The following BCKDHB variants were observed in gnomAD, a reference collection of about 807,000 sequenced individuals.
BCKDHB encodes the protein branched chain keto acid dehydrogenase E1 subunit beta, also known as 2-oxoisovalerate dehydrogenase subunit beta, mitochondrial.
Under a neutral mutation model 48.5 loss-of-function variants are expected in BCKDHB, and 41 were observed. The ratio of observed to expected loss-of-function variants is 0.85; its 90% confidence interval spans 0.66 to 1.10. BCKDHB has a LOEUF of 1.10. BCKDHB is among the 50% of genes least tolerant of loss of function. The pLI is 0.00. For synonymous variants in BCKDHB, 201 were observed against 174.8 expected, an observed-to-expected ratio of 1.15 and a Z score of -1.18; for missense variants, 496 against 494.2, an observed-to-expected ratio of 1.00 and a Z score of -0.03.
intron 6 of BCKDHB, among the ~76,000 whole-genome samples, chr6:80,183,113 T>C (rs1328759902): frequency 6.6e-6 from 1 of 152,156 alleles, no homozygotes; most frequent in Non-Finnish European, 1.5e-5. Flanking sequence ...TTGTGTTCTT[T>C]ATTGTAAATA....
the BCKDHB span, among the ~76,000 whole-genome samples, chr6:80,445,352 C>T: frequency 1.3e-5 from 2 of 152,234 alleles, no homozygotes; most frequent in East Asian, 3.9e-4. Context: ...ACCATTGCTT[C>T]AGATAGATCT....
At chr6:80,434,733 G>A in the BCKDHB span, among the ~76,000 whole-genome samples, 18 of 152,112 alleles carry the variant, frequency 1.2e-4, no homozygotes, top group South Asian at 2.1e-3. Context: ...CAGTACCTTC[G>A]GGAACTCTAC....
chr6:80,155,061 T>C (rs1004821771), intron 3 of BCKDHB, among the ~76,000 whole-genome samples: 2 of 152,184 alleles, frequency 1.3e-5, no homozygotes, highest in Non-Finnish European at 1.5e-5. Flanking sequence ...AATCAAAGTT[T>C]GAAGTAGCCC....
At chr6:80,376,181 C>T in the BCKDHB span, among the ~76,000 whole-genome samples, 5 of 151,934 alleles carry the variant, frequency 3.3e-5, no homozygotes, top group Non-Finnish European at 4.4e-5. Context: ...GGGCTTGCTG[C>T]GGCTGTTATG....
intron 3 of BCKDHB, among the ~76,000 whole-genome samples, chr6:80,132,557 T>C (rs1018491997): frequency 6.6e-6 from 1 of 152,220 alleles, no homozygotes; most frequent in African/African-American, 2.4e-5. Context: ...AGAAACTAAC[T>C]CTTAACTTGA....
At chr6:80,440,526 C>G in the BCKDHB span, among the ~76,000 whole-genome samples, 1 of 152,058 alleles carries the variant, frequency 6.6e-6, no homozygotes, top group Non-Finnish European at 1.5e-5. Context: ...TCTTAGATTA[C>G]ACTGATCAGT....
At chr6:80,110,155 T>C (rs1209664068) in intron 1 of BCKDHB, among the ~76,000 whole-genome samples, 1 of 152,226 alleles carries the variant, frequency 6.6e-6, no homozygotes, top group Non-Finnish European at 1.5e-5. Context: ...TTTGCTCCCT[T>C]TATTACACTG....
intron 9 of BCKDHB, among the ~76,000 whole-genome samples, chr6:80,328,672 T>C (rs950221198): frequency 6.6e-6 from 1 of 152,212 alleles, no homozygotes; most frequent in Middle Eastern, 3.2e-3. Context: ...CAGAAAACTT[T>C]CTAATTTTAT....
the BCKDHB span, chr6:80,356,682 A>G: frequency 3.3e-5 from 5 of 152,324 alleles, no homozygotes; most frequent in South Asian, 1.0e-3. Flanking sequence ...AATGTTTATT[A>G]CACAAAGTAA....
chr6:80,245,567 AG>A (rs1430417866), intron 8 of BCKDHB, among the ~76,000 whole-genome samples: 2 of 152,208 alleles, frequency 1.3e-5, no homozygotes, highest in Non-Finnish European at 2.9e-5. Flanking sequence ...GTGTACTCTC[AG>A]TCACAGCATC....
chr6:80,116,227 C>T (rs1196333726), intron 1 of BCKDHB, among the ~76,000 whole-genome samples: 1 of 152,160 alleles, frequency 6.6e-6, no homozygotes. Context: ...AAAGACCTAC[C>T]CCATCAGACT....
At chr6:80,279,971 TA>T (rs1167240910) in intron 9 of BCKDHB, among the ~76,000 whole-genome samples, 3 of 152,104 alleles carry the variant, frequency 2.0e-5, no homozygotes, top group African/African-American at 7.2e-5. Flanking sequence ...GTAGTGAAGG[TA>T]GGTGGGTATT....
At chr6:80,288,925 A>G (rs1582510143) in intron 9 of BCKDHB, among the ~76,000 whole-genome samples, 2 of 152,058 alleles carry the variant, frequency 1.3e-5, no homozygotes, top group Non-Finnish European at 2.9e-5. Flanking sequence ...AGGGGCAGGG[A>G]TGGAGGGGTA....
chr6:80,167,621 T>G, intron 3 of BCKDHB, 57 bp from the exon 4 acceptor site: 1 of 1,491,462 alleles, frequency 6.7e-7, no homozygotes, highest in Non-Finnish European at 9.3e-7. Flanking sequence ...TTAAATGTAT[T>G]ATGCATGACA....
intron 3 of BCKDHB, among the ~76,000 whole-genome samples, chr6:80,162,351 C>T (rs565971412): frequency 6.6e-6 from 1 of 152,340 alleles, no homozygotes; most frequent in African/African-American, 2.4e-5. Context: ...CATATGCCTT[C>T]TTTCCTCCTG....
chr6:80,450,088 T>C, the BCKDHB span, among the ~76,000 whole-genome samples: 1 of 152,082 alleles, frequency 6.6e-6, no homozygotes, highest in African/African-American at 2.4e-5. Flanking sequence ...GAGTGGAGTA[T>C]GAAGAAAAAA....
chr6:80,427,373 A>G, the BCKDHB span, among the ~76,000 whole-genome samples: 73 of 151,972 alleles, frequency 4.8e-4, no homozygotes, highest in Admixed American at 2.8e-3. Context: ...GTGTATTTTC[A>G]TTTTCCCCAT....
At chr6:80,227,199 G>A (rs1174984265) in intron 8 of BCKDHB, among the ~76,000 whole-genome samples, 1 of 152,150 alleles carries the variant, frequency 6.6e-6, no homozygotes, top group South Asian at 2.1e-4. Context: ...GATGTAAGTC[G>A]TGTCTAATTT....
chr6:80,258,141 TA>T (rs1313708186), intron 8 of BCKDHB, among the ~76,000 whole-genome samples: 1 of 152,184 alleles, frequency 6.6e-6, no homozygotes, highest in Non-Finnish European at 1.5e-5. Flanking sequence ...TCTGCCATAT[TA>T]ATTTTTATCA....
Sources: gnomAD v4.1 joint callset for allele counts (sites outside exome capture counted in the v4.1 genomes callset) on GRCh38, gnomAD v4.1.1 for gene constraint, MANE v1.5 for transcripts, NCBI Gene and HGNC (gene_info 2026-07-23, HGNC 2026-07-21) for gene names.